The following TLL1 variants were observed in gnomAD, a reference collection of about 807,000 sequenced individuals.
TLL1 encodes tolloid-like protein 1.
Under a neutral mutation model 128.2 loss-of-function variants are expected in TLL1, and 49 were observed. The ratio of observed to expected loss-of-function variants is 0.38; its 90% CI spans 0.30 to 0.48. The LOEUF (loss-of-function observed/expected upper bound fraction) is 0.48. Ranked by LOEUF, TLL1 falls within the 20% of genes least tolerant of loss-of-function variation. TLL1 has a pLI of 0.96. For synonymous variants in TLL1, 454 were observed against 418.8 expected, an observed-to-expected ratio of 1.08 and a Z score of -1.03; for missense variants, 1,123 against 1,242.0, an observed-to-expected ratio of 0.90 and a Z score of 1.44.
In TLL1 at chr4:166,014,518, A is replaced by C. The variant is rs550704422; in HGVS notation, c.1000A>C (p.Lys334Gln). 2 of 1,612,454 alleles carry C rather than the reference A, an allele frequency of 1.2e-6. No individual in the cohort carries two copies. Among genetic ancestry groups the C allele is most frequent in the South Asian group, 2.2e-5 (2 of 91,070 alleles). Residue 334 changes from lysine (K) to glutamine (Q), a missense_variant, in exon 8 of 21, where the codon AAA (lysine) becomes CAA (glutamine). Lys to Gln is a moderately conservative substitution (Grantham distance 53, BLOSUM62 1). This residue lies in a region of TLL1 where 480 missense variants were observed against 542.4 expected (regional missense o/e 0.89). Coordinates refer to ENST00000061240, the MANE Select transcript of TLL1 (RefSeq NM_012464.5). ...AATTGGTCAGCGAACCCGTCTAAGC[A>C]AAGGAGATATCGCACAGGCAAGAAA... ...PAIGQRTRLS[K>Q]GDIAQARKLY...
intron 1 of TLL1, among the ~76,000 whole-genome samples, chr4:165,951,734 A>G (rs1222381490): frequency 6.6e-6 from 1 of 152,082 alleles, no homozygotes; most frequent in African/African-American, 2.4e-5. Flanking sequence ...GAGTGCTTTC[A>G]TAAGCTCCCT....
At chr4:165,950,776 G>A (rs1442302983) in intron 1 of TLL1, among the ~76,000 whole-genome samples, 1 of 151,906 alleles carries the variant, frequency 6.6e-6, no homozygotes, top group Non-Finnish European at 1.5e-5. Context: ...AGTTCTTAGG[G>A]GAGAATTTAT....
At chr4:166,092,472 A>G (rs1209961643) in intron 19 of TLL1, among the ~76,000 whole-genome samples, 2 of 152,180 alleles carry the variant, frequency 1.3e-5, no homozygotes, top group East Asian at 3.9e-4. Flanking sequence ...AAAATCTTAC[A>G]TGGACCAGAG....
rs73863545 is a variant in TLL1, at chr4:166,070,992, G to T, written c.2189-3886G>T. On this transcript the variant is annotated intron_variant, in intron 16 of 20. Transcript: ENST00000061240. The stretch of plus-strand genomic sequence containing the variant: ...TGCATGTTTATAGAAAGAGAAAATT[G>T]TCTCTGTTGTAGCTCTCGTAGTGTT... Among the ~76,000 whole-genome samples, 1,364 of 151,948 alleles carry T rather than the reference G, an allele frequency of 9.0e-3. 22 individuals are homozygous for T. The highest frequency in any genetic ancestry group is 0.03 in the African/African-American group (1,249 of 41,502).
intron 1 of TLL1, among the ~76,000 whole-genome samples, chr4:165,959,104 G>T (rs1734961198): frequency 6.6e-6 from 1 of 151,170 alleles, no homozygotes; most frequent in Non-Finnish European, 1.5e-5. Flanking sequence ...ATGCTGTTTT[G>T]GTTACTGTAG....
In TLL1 at chr4:165,902,542, C is replaced by T. The variant is rs566519928; in HGVS notation, c.169+28469C>T. ...TCCCTTGGCTAGGGGAGGGAGTTCC[C>T]TGACTCCTTCTGCTTCCTGGGTGAG... On this transcript the variant is annotated intron_variant, in intron 1 of 20. Coordinates refer to ENST00000061240, the MANE Select transcript of TLL1 (RefSeq NM_012464.5). Among the ~76,000 whole-genome samples, 20 of 152,246 alleles carry T rather than the reference C, an allele frequency of 1.3e-4. No individual in the cohort carries two copies. In the East Asian group the frequency reaches 1.7e-3, roughly 13 times the overall value.
At chr4:165,972,552 T>C (rs754367749) in intron 1 of TLL1, among the ~76,000 whole-genome samples, 1 of 152,144 alleles carries the variant, frequency 6.6e-6, no homozygotes, top group Non-Finnish European at 1.5e-5. Context: ...TCATCCAGCA[T>C]CCATTCTTTT....
intron 1 of TLL1, among the ~76,000 whole-genome samples, chr4:165,901,526 G>T (rs999066761): frequency 1.3e-5 from 2 of 152,296 alleles, no homozygotes; most frequent in Admixed American, 1.3e-4. Flanking sequence ...GCTAGATTTT[G>T]CTGGAGGTCC....
intron 5 of TLL1, among the ~76,000 whole-genome samples, chr4:165,996,607 TAAATAAACAAAC>T (rs772720365): frequency 4.3e-5 from 6 of 138,734 alleles, no homozygotes; most frequent in Admixed American, 3.4e-4. Flanking sequence ...TCAAAATAAA[TAAATAAACAAAC>T]AAACAAACAA....
At chr4:166,091,984 C>T (rs1399247590) in intron 19 of TLL1, among the ~76,000 whole-genome samples, 1 of 151,962 alleles carries the variant, frequency 6.6e-6, no homozygotes, top group Non-Finnish European at 1.5e-5. Context: ...AGTTTGGAGA[C>T]AGTTTAGTTA....
chr4:165,906,333 T>G (rs1315758578), intron 1 of TLL1, among the ~76,000 whole-genome samples: 1 of 152,226 alleles, frequency 6.6e-6, no homozygotes, highest in East Asian at 1.9e-4. Context: ...ATATTAGTTC[T>G]AATACTCTTA....
rs148869254 is a variant in TLL1, at chr4:165,997,787, A to T, written c.632+2609A>T. 3.7e-3 allele frequency among the ~76,000 whole-genome samples: 563 copies of T among 152,250 alleles called. 7 individuals are homozygous for T. The highest frequency in any genetic ancestry group is 0.022 in the East Asian group (112 of 5,184). On this transcript the variant is annotated intron_variant, in intron 5 of 20. Transcript: ENST00000061240. ...TTAGCTTCAGTGCATTTCCTCCTTAAATTGTATTATAAGTACAGTTTATGT... is the reference window on the plus strand; with the variant it reads ...TTAGCTTCAGTGCATTTCCTCCTTATATTGTATTATAAGTACAGTTTATGT...
At chr4:165,949,937 A>G (rs1412976392) in intron 1 of TLL1, among the ~76,000 whole-genome samples, 2 of 152,128 alleles carry the variant, frequency 1.3e-5, no homozygotes, top group Non-Finnish European at 2.9e-5. Context: ...ATTAATAACC[A>G]CATTAAATGT....
chr4:165,883,213 A>C (rs1023272675), intron 1 of TLL1, among the ~76,000 whole-genome samples: 1 of 152,176 alleles, frequency 6.6e-6, no homozygotes, highest in Non-Finnish European at 1.5e-5. Flanking sequence ...TGAGTGTTTT[A>C]AGTTAACTTT....
At chr4:166,072,591 T>TA (rs1269249991) in intron 16 of TLL1, among the ~76,000 whole-genome samples, 1 of 151,922 alleles carries the variant, frequency 6.6e-6, no homozygotes, top group Non-Finnish European at 1.5e-5. Context: ...GTTTTTTTTT[T>TA]AACAAATCTT....
At chr4:166,021,122 T>C (rs1396216644) in intron 8 of TLL1, among the ~76,000 whole-genome samples, 2 of 152,222 alleles carry the variant, frequency 1.3e-5, no homozygotes, top group Non-Finnish European at 2.9e-5. Flanking sequence ...AATTCATAGT[T>C]ACTTATATTT....
intron 18 of TLL1, among the ~76,000 whole-genome samples, chr4:166,089,629 G>C (rs1051658115): frequency 6.6e-6 from 1 of 152,024 alleles, no homozygotes; most frequent in Non-Finnish European, 1.5e-5. Context: ...TCCCTACGCT[G>C]TCTTCTCTTT....
chr4:165,930,505 A>G (rs952142625), intron 1 of TLL1, among the ~76,000 whole-genome samples: 1 of 152,128 alleles, frequency 6.6e-6, no homozygotes, highest in Admixed American at 6.5e-5. Flanking sequence ...ACTGAAACAC[A>G]GTAAAATTTA....
chr4:166,047,347 G>A (rs1398132129), intron 12 of TLL1, among the ~76,000 whole-genome samples: 1 of 151,450 alleles, frequency 6.6e-6, no homozygotes, highest in Non-Finnish European at 1.5e-5. Context: ...TGTATTTTTA[G>A]TAGAGACAGG....
Sources: gnomAD v4.1 joint callset for allele counts (sites outside exome capture counted in the v4.1 genomes callset) on GRCh38, gnomAD v4.1.1 for gene constraint, gnomAD v4.1.1 regional missense constraint, MANE v1.5 for transcripts, NCBI Gene and HGNC (gene_info 2026-07-23, HGNC 2026-07-21) for gene names.